GNAS: variants seen among roughly 807,000 people sequenced by gnomAD.
GNAS encodes protein ALEX.
GNAS carries 8 observed loss-of-function variants against 54.5 expected under a neutral mutation model. The ratio of observed to expected loss-of-function variants is 0.15; its 90% confidence interval spans 0.09 to 0.26. GNAS has a LOEUF of 0.26. Ranked by LOEUF, GNAS falls within the 10% of genes least tolerant of loss-of-function variation. The pLI, the probability that GNAS is intolerant of heterozygous loss-of-function variation, is 1.00. For synonymous variants in GNAS, 204 were observed against 191.4 expected (o/e 1.07, Z -0.54); for missense variants, 170 against 529.8 (o/e 0.32, Z 6.67).
In GNAS at chr20:58,910,944, C is replaced by CAAA. The variant is rs1569033627; in HGVS notation, c.*115_*116insAAA. 1 of 1,053,358 alleles carries CAAA rather than the reference C, an allele frequency of 9.5e-7. No individual in the cohort carries two copies. The highest frequency in any genetic ancestry group is 1.4e-6 in the Non-Finnish European group (1 of 693,750). 65.3% of individuals were successfully genotyped at this position (1,053,358 alleles called of 1,614,324 possible). On this transcript the variant is annotated 3_prime_UTR_variant, in exon 13 of 13. Coordinates refer to ENST00000371085, the MANE Select transcript of GNAS (RefSeq NM_000516.7). This position sits in a 1 kb window ranked among gnomAD's most constrained non-coding sequence, Gnocchi z 5.8. ...GGCATGATTAACAAAGCAACCTTTC[C>CAAA]CTTCCCCCGAGTGATTTTGCGAAAC...
At chr20:58,854,531 C>T (rs267606019) in intron 1 of GNAS, 3 of 1,582,096 alleles carry the variant, frequency 1.9e-6, no homozygotes, top group South Asian at 1.1e-5. Flanking sequence ...ATCCTGACTC[C>T]GGGGCATTCG....
intron 1 of GNAS, chr20:58,850,522 C>A: frequency 5.0e-6 from 2 of 398,754 alleles, no homozygotes; most frequent in South Asian, 1.3e-4. Flanking sequence ...ACCCCAATGT[C>A]TACTGACCTT....
In GNAS at chr20:58,841,688, T is replaced by TAAGG. The variant is rs754100857; in HGVS notation, c.43+803_43+806dup. 2,858 of 1,192,522 alleles carry TAAGG rather than the reference T, an allele frequency of 2.4e-3. 11 individuals are homozygous for TAAGG. Among genetic ancestry groups the TAAGG allele is most frequent in the South Asian group, 2.6e-3 (59 of 23,126 alleles). The allele number at this position is 1,192,522 out of a possible 1,614,324, so 73.9% of individuals were successfully genotyped here. A position where few individuals can be genotyped will look rare whatever the true frequency, so the allele number is the denominator to read the frequency against. ...GTACCTGGGGGAAAGGTAGAGGAGG[T>TAAGG]AAGGGGACCCTTGGGGATGCCCCTA... On this transcript the variant is annotated intron_variant, in intron 1 of 12. Coordinates refer to the GNAS transcript ENST00000306090. This position sits in a 1 kb window ranked among gnomAD's most constrained non-coding sequence, Gnocchi z 5.0.
At chr20:58,894,078 C>T (rs185837009) in intron 1 of GNAS, among the ~76,000 whole-genome samples, 9 of 152,286 alleles carry the variant, frequency 5.9e-5, no homozygotes, top group Admixed American at 4.6e-4. Context: ...AAGAGGAAAC[C>T]TAATAATGCC....
At chr20:58,867,700 T>C (rs2087144803) in intron 1 of GNAS, 1 of 152,218 alleles carries the variant, frequency 6.6e-6, no homozygotes, top group African/African-American at 2.4e-5. Flanking sequence ...AGGCTAAAGT[T>C]TGATTCTTGA....
chr20:58,868,901 C>A (rs758276345), intron 1 of GNAS, among the ~76,000 whole-genome samples: 1 of 152,144 alleles, frequency 6.6e-6, no homozygotes, highest in Non-Finnish European at 1.5e-5. Context: ...AGATGGCGCT[C>A]GGCTTTTACG....
At chr20:58,888,297 A>G (rs2088740993), upstream of GNAS, 1 of 151,986 alleles carries the variant, frequency 6.6e-6, no homozygotes, top group South Asian at 2.1e-4. Flanking sequence ...GCACATGGTG[A>G]GCCGCGGAAC....
intron 1 of GNAS, among the ~76,000 whole-genome samples, chr20:58,874,694 T>A (rs6026573): frequency 0.11 from 15,263 of 144,932 alleles, 1,059 homozygotes; most frequent in African/African-American, 0.22. Flanking sequence ...CTTCTATCTT[T>A]GCTCCTGGCC....
Position 58,909,260 on chromosome 20 carries a change from C to G in GNAS, c.585+44C>G, listed in dbSNP as rs2091279561. Reference sequence around the variant, plus strand: ...CACCAGAGGACTCTGAGCCCTCTTTCCAAACTACTCCAGACCTTTGCTTTA... The same window carrying G: ...CACCAGAGGACTCTGAGCCCTCTTTGCAAACTACTCCAGACCTTTGCTTTA... On this transcript the variant is annotated intron_variant, in intron 7 of 12. Transcript: ENST00000371085. This position sits in a 1 kb window ranked among gnomAD's most constrained non-coding sequence, Gnocchi z 7.3. The G allele has an allele frequency of 6.3e-7, 1 of 1,590,628 alleles. No individual in the cohort carries two copies. The highest frequency in any genetic ancestry group is 1.7e-5 in the Admixed American group (1 of 59,986).
rs752951071 is a variant in GNAS, at chr20:58,909,222, CA to C, written c.585+10del. 2 of 1,612,000 alleles carry C rather than the reference CA, an allele frequency of 1.2e-6. No individual in the cohort carries two copies. The highest frequency in any genetic ancestry group is 1.7e-6 in the Non-Finnish European group (2 of 1,177,992). ...ACTATGTGCCGAGCGATCAGGTGTG[CA>C]AAACCCCTCCCCACCAGAGGACTCT... On this transcript the variant is annotated splice_region_variant and intron_variant, in intron 7 of 12. Coordinates refer to ENST00000371085, the MANE Select transcript of GNAS (RefSeq NM_000516.7). The surrounding 1 kb of genome is among the most constrained non-coding windows in gnomAD (Gnocchi z 7.3).
chr20:58,848,244 G>C (rs577951298), intron 1 of GNAS, among the ~76,000 whole-genome samples: 1 of 152,068 alleles, frequency 6.6e-6, no homozygotes, highest in Admixed American at 6.5e-5. Flanking sequence ...CCTGGGTTTC[G>C]ACAGCCAATC....
intron 1 of GNAS, among the ~76,000 whole-genome samples, chr20:58,894,433 G>A (rs970773833): frequency 2.0e-5 from 3 of 152,106 alleles, no homozygotes; most frequent in Admixed American, 6.5e-5. Flanking sequence ...TATTGATTAC[G>A]GGCTTGTGAA....
intron 2 of GNAS, 71 bp downstream of exon 2, chr20:58,895,755 T>G (rs1043815810): frequency 2.1e-6 from 2 of 937,920 alleles, no homozygotes; most frequent in Non-Finnish European, 3.5e-6. Context: ...TTAGGAAGTA[T>G]AGGTGGGCTT....
chr20:58,898,594 A>C (rs1273905091), intron 2 of GNAS: 1 of 372,660 alleles, frequency 2.7e-6, no homozygotes, highest in Non-Finnish European at 5.0e-6. Flanking sequence ...TATTCTCCAA[A>C]GAATTGTGAG....
In GNAS at chr20:58,853,182, T is replaced by C; in HGVS notation, c.43+12296T>C. The C allele has an allele frequency of 6.9e-6, 10 of 1,447,976 alleles. No homozygotes were observed. Among genetic ancestry groups the C allele is most frequent in the Middle Eastern group, 2.0e-4 (1 of 5,038 alleles). 89.7% of individuals were successfully genotyped at this position (1,447,976 alleles called of 1,614,324 possible). ...AGCTGGTACTTTGATTTTAAAATAA[T>C]AATAATAATTTTTTCACCCTAGTTC... On this transcript the variant is annotated intron_variant, in intron 1 of 12. Transcript: ENST00000306090. This position sits in a 1 kb window ranked among gnomAD's most constrained non-coding sequence, Gnocchi z 4.4.
At chr20:58,842,126 G>A in intron 1 of GNAS, 1 of 399,418 alleles carries the variant, frequency 2.5e-6, no homozygotes, top group Non-Finnish European at 4.4e-6. Context: ...TCTGTAACCT[G>A]GAGGGGAATC....
chr20:58,854,128 C>T, intron 1 of GNAS: 1 of 1,612,406 alleles, frequency 6.2e-7, no homozygotes, highest in Non-Finnish European at 8.5e-7. Context: ...TCCCAAGAGG[C>T]TGTCAGACCT....
At chr20:58,854,833 G>C (rs756192343) in intron 1 of GNAS, 2 of 1,595,418 alleles carry the variant, frequency 1.3e-6, no homozygotes, top group Non-Finnish European at 8.5e-7. Context: ...TCCGGGGCCA[G>C]ACGCAAGATC....
intron 2 of GNAS, among the ~76,000 whole-genome samples, chr20:58,895,936 A>C (rs1269589327): frequency 6.6e-6 from 1 of 152,110 alleles, no homozygotes; most frequent in Non-Finnish European, 1.5e-5. Context: ...ATCCCAAGAA[A>C]ATCGTGCCTG....
Sources: allele counts gnomAD v4.1 joint callset (sites outside exome capture counted in the v4.1 genomes callset), GRCh38; gene constraint gnomAD v4.1.1; non-coding constraint Gnocchi (gnomAD v3.1); transcripts MANE v1.5; gene names NCBI Gene and HGNC (gene_info 2026-07-23, HGNC 2026-07-21).